IQCM: variants seen among roughly 807,000 people sequenced by gnomAD.
IQCM encodes IQ motif containing M, also known as IQ domain-containing protein M.
IQCM carries 45 observed loss-of-function variants against 57.6 expected under a neutral mutation model. The ratio of observed to expected loss-of-function variants is 0.78; its 90% CI spans 0.62 to 1.00. IQCM has a LOEUF of 1.00. Ranked by LOEUF, IQCM falls within the 50% of genes least tolerant of loss-of-function variation. IQCM has a pLI of 0.00. For missense variants in IQCM, 468 were observed against 511.6 expected (o/e 0.91, Z 0.82); for synonymous variants, 148 against 158.9 (o/e 0.93, Z 0.51).
chr4:149,473,175 A>T (rs1016639158), intron 12 of IQCM, among the ~76,000 whole-genome samples: 1 of 152,232 alleles, frequency 6.6e-6, no homozygotes, highest in Admixed American at 6.5e-5. Context: ...CTACCATCAG[A>T]GTGAACAGGC....
At chr4:149,363,267 G>T (rs528319000) in intron 13 of IQCM, among the ~76,000 whole-genome samples, 1 of 152,296 alleles carries the variant, frequency 6.6e-6, no homozygotes, top group African/African-American at 2.4e-5. Context: ...AACAGCAGCA[G>T]CAAGACACCT....
chr4:149,710,037 T>A (rs1405726355), intron 5 of IQCM, among the ~76,000 whole-genome samples: 1 of 152,114 alleles, frequency 6.6e-6, no homozygotes, highest in Admixed American at 6.6e-5. Context: ...GAAAGAATGA[T>A]CCAAATTTAA....
chr4:149,631,926 G>A (rs1757299897), intron 7 of IQCM, among the ~76,000 whole-genome samples: 1 of 152,228 alleles, frequency 6.6e-6, no homozygotes, highest in Middle Eastern at 3.2e-3. Flanking sequence ...TTGGATATAA[G>A]TGATTAAGCA....
intron 5 of IQCM, among the ~76,000 whole-genome samples, chr4:149,694,181 T>G (rs1763146160): frequency 6.6e-6 from 1 of 151,946 alleles, no homozygotes; most frequent in Non-Finnish European, 1.5e-5. Context: ...GATTTTTCAG[T>G]ATCACTTTTA....
intron 9 of IQCM, among the ~76,000 whole-genome samples, chr4:149,567,233 G>A (rs971497128): frequency 3.3e-5 from 5 of 151,892 alleles, no homozygotes; most frequent in South Asian, 2.1e-4. Flanking sequence ...AGTTATTTGC[G>A]TCTCTGTTAC....
chr4:149,384,419 C>T (rs553001154), intron 13 of IQCM, among the ~76,000 whole-genome samples: 3 of 152,156 alleles, frequency 2.0e-5, no homozygotes, highest in East Asian at 3.9e-4. Context: ...TCTCCCATAT[C>T]GAGAAAAAGA....
At chr4:149,617,544 AG>A in intron 8 of IQCM, among the ~76,000 whole-genome samples, 1 of 152,306 alleles carries the variant, frequency 6.6e-6, no homozygotes, top group Middle Eastern at 3.4e-3. Flanking sequence ...CAGGCAAAAA[AG>A]GTCACTTTAT....
At chr4:149,369,036 G>GTATATATATATATATACCCACGTGTA (rs1169870573) in intron 13 of IQCM, among the ~76,000 whole-genome samples, 1 of 60,626 alleles carries the variant, frequency 1.6e-5, no homozygotes, top group Non-Finnish European at 3.5e-5. Context: ...ATATACATGT[G>GTATATATATATATATACCCACGTGTA]TATATATATA....
chr4:149,409,971 A>G (rs1437656521), intron 13 of IQCM, among the ~76,000 whole-genome samples: 2 of 152,090 alleles, frequency 1.3e-5, no homozygotes, highest in Non-Finnish European at 2.9e-5. Context: ...GGATCACGAG[A>G]TCAGGAGTTC....
chr4:149,596,653 C>T (rs752786941), intron 8 of IQCM, among the ~76,000 whole-genome samples: 6 of 152,032 alleles, frequency 3.9e-5, no homozygotes, highest in Non-Finnish European at 8.8e-5. Context: ...GGCCTTGGCT[C>T]TGAGTGAAGA....
rs375435458 is a variant in IQCM, at chr4:149,482,168, T to C, written c.1229-48611A>G. On this transcript the variant is annotated intron_variant, in intron 12 of 13. Coordinates refer to ENST00000636793, the MANE Select transcript of IQCM (RefSeq NM_001363507.2). ...ACTGAAATTTGTTTTTCAGTTGTAA[T>C]AGTTTTTTGGTGAAGTCTGTAGGCT... Among the ~76,000 whole-genome samples, 13 of 152,096 alleles carry C rather than the reference T, an allele frequency of 8.5e-5. 1 individual carries two copies. In the East Asian group the frequency reaches 1.4e-3, roughly 16 times the overall value.
intron 12 of IQCM, among the ~76,000 whole-genome samples, chr4:149,461,805 A>T (rs1163496989): frequency 6.6e-6 from 1 of 151,878 alleles, no homozygotes; most frequent in Non-Finnish European, 1.5e-5. Context: ...TGAAGCCAAT[A>T]AAACTAAAGG....
intron 8 of IQCM, among the ~76,000 whole-genome samples, chr4:149,618,274 G>A (rs1038544976): frequency 7.2e-5 from 11 of 152,234 alleles, no homozygotes; most frequent in Non-Finnish European, 1.5e-4. Context: ...TTCAAGAAAT[G>A]GTGCTGGTAA....
chr4:149,790,835 T>C (rs975283090), intron 2 of IQCM, among the ~76,000 whole-genome samples: 1 of 152,206 alleles, frequency 6.6e-6, no homozygotes, highest in Non-Finnish European at 1.5e-5. Flanking sequence ...ATATGATTTT[T>C]TTTTTGGTAC....
rs1764155938 is a variant in IQCM at position 149,706,299 on chromosome 4, A to G, written c.386-19831T>C. ...TGACAAAAATCACATTTAAGGATAT[A>G]AAAAAATCTTTTAAAACCACACTAT... is the stretch of plus-strand genomic sequence containing the variant. On this transcript the variant is annotated intron_variant, in intron 5 of 13. Coordinates refer to ENST00000636793, the MANE Select transcript of IQCM (RefSeq NM_001363507.2). Among the ~76,000 whole-genome samples the G allele has an allele frequency of 1.3e-5, 2 of 152,094 alleles. 1 individual carries two copies. Among genetic ancestry groups the G allele is most frequent in the Admixed American group, 1.3e-4 (2 of 15,252 alleles).
At chr4:149,502,932 A>C (rs79278865) in intron 12 of IQCM, among the ~76,000 whole-genome samples, 1 of 148,690 alleles carries the variant, frequency 6.7e-6, no homozygotes, top group African/African-American at 2.5e-5. Context: ...AAATTTGATT[A>C]AAAAAAAAAG....
intron 12 of IQCM, among the ~76,000 whole-genome samples, chr4:149,504,569 T>G (rs140449783): frequency 6.6e-6 from 1 of 151,748 alleles, no homozygotes; most frequent in African/African-American, 2.4e-5. Context: ...CTTTGGTAAG[T>G]GACTAGGTAA....
chr4:149,380,497 TA>T (rs1731002401), intron 13 of IQCM, among the ~76,000 whole-genome samples: 1 of 152,130 alleles, frequency 6.6e-6, no homozygotes, highest in African/African-American at 2.4e-5. Context: ...AATTTTATAA[TA>T]CTGGTGCTTC....
intron 8 of IQCM, among the ~76,000 whole-genome samples, chr4:149,613,906 T>G (rs1300943037): frequency 6.6e-6 from 1 of 152,186 alleles, no homozygotes; most frequent in African/African-American, 2.4e-5. Flanking sequence ...AACTCATCAT[T>G]TTTTATGGCT....
Sources: allele counts gnomAD v4.1 joint callset (sites outside exome capture counted in the v4.1 genomes callset), GRCh38; gene constraint gnomAD v4.1.1; transcripts MANE v1.5; gene names NCBI Gene and HGNC (gene_info 2026-07-23, HGNC 2026-07-21).